SRD5A1: variants seen among roughly 807,000 people sequenced by gnomAD.
The protein encoded by SRD5A1 is 3-oxo-5-alpha-steroid 4-dehydrogenase 1.
SRD5A1 carries 22 observed loss-of-function variants against 28.2 expected under a neutral mutation model. The observed-to-expected ratio is 0.78, with a 90% CI of 0.56 to 1.12. The LOEUF is 1.12. Among genes scored for constraint, SRD5A1 ranks in the 50% most tolerant of loss-of-function variants. The pLI is 0.00. For synonymous variants in SRD5A1, 151 were observed against 135.0 expected, an observed-to-expected ratio of 1.12 and a Z score of -0.82; for missense variants, 300 against 346.7, an observed-to-expected ratio of 0.87 and a Z score of 1.07.
chr5:6,653,294 C>A (rs191546406), intron 2 of SRD5A1, among the ~76,000 whole-genome samples: 2 of 152,158 alleles, frequency 1.3e-5, no homozygotes, highest in Non-Finnish European at 2.9e-5. Context: ...GCTGAGAAGG[C>A]GTTTCAAGAT....
chr5:6,666,719 C>G (rs1032371250), intron 4 of SRD5A1, among the ~76,000 whole-genome samples: 2 of 152,122 alleles, frequency 1.3e-5, no homozygotes, highest in African/African-American at 4.8e-5. Context: ...AGCCAACATC[C>G]CTTCATTGTG....
chr5:6,660,012 A>G (rs897853119), intron 3 of SRD5A1, among the ~76,000 whole-genome samples: 2 of 152,064 alleles, frequency 1.3e-5, no homozygotes, highest in African/African-American at 2.4e-5. Context: ...GCTTCGCAGG[A>G]CTCTGTTAAT....
rs1738464923 is a variant in SRD5A1, at chr5:6,644,912, GAA to G, written c.294-6928_294-6927del. On this transcript the variant is annotated intron_variant, in intron 1 of 4. Coordinates refer to ENST00000274192, the MANE Select transcript of SRD5A1 (RefSeq NM_001047.4). ...GAATCATGATTCCAAGACGCAGAGA[GAA>G]ATTGCTGGGATTCGTTGTTCTTATT... The G allele has an allele frequency of 4.4e-6, 2 of 455,922 alleles. 1 individual carries two copies. The highest frequency in any genetic ancestry group is 4.7e-5 in the Admixed American group (2 of 42,550). The allele number at this position is 455,922 out of a possible 1,614,324, so 28.2% of individuals were successfully genotyped here.
chr5:6,655,104 A>G (rs1738794732), intron 2 of SRD5A1, among the ~76,000 whole-genome samples: 1 of 152,356 alleles, frequency 6.6e-6, no homozygotes, highest in East Asian at 1.9e-4. Flanking sequence ...AAGGTTTTCC[A>G]TGTCCTTTTT....
chr5:6,648,339 G>A (rs1738568747), intron 1 of SRD5A1, among the ~76,000 whole-genome samples: 1 of 152,112 alleles, frequency 6.6e-6, no homozygotes, highest in Admixed American at 6.5e-5. Context: ...TGCTAGGTTG[G>A]GGAAGTTCTC....
In SRD5A1 at chr5:6,668,289, T is replaced by G; in HGVS notation, c.*21T>G. ...TTTAAGTGCGTTTTTCATGAAATTA[T>G]CTTCAACTTGAAGCTTTCCAATGGC... On this transcript the variant is annotated 3_prime_UTR_variant, in exon 5 of 5. Transcript: ENST00000274192. 1 of 1,435,106 alleles carries G rather than the reference T, an allele frequency of 7.0e-7. No homozygotes were observed. Among genetic ancestry groups the G allele is most frequent in the Non-Finnish European group, 9.7e-7 (1 of 1,032,872 alleles). The allele number at this position is 1,435,106 out of a possible 1,614,324, so 88.9% of individuals were successfully genotyped here.
intron 2 of SRD5A1, among the ~76,000 whole-genome samples, chr5:6,653,782 C>T (rs1212046286): frequency 1.3e-5 from 2 of 152,180 alleles, no homozygotes; most frequent in South Asian, 2.1e-4. Context: ...AAAGTAGCTC[C>T]GCAGATGGTT....
chr5:6,651,748 A>G lies in SRD5A1; in HGVS notation c.294-94A>G, dbSNP rs1007218643. The G allele has an allele frequency of 3.4e-6, 4 of 1,171,342 alleles. No individual in the cohort carries two copies. The African/African-American group carries it at 4.6e-5, about 14-fold the overall frequency. The allele number at this position is 1,171,342 out of a possible 1,614,324, so 72.6% of individuals were successfully genotyped here. A position where few individuals can be genotyped will look rare whatever the true frequency, so the allele number is the denominator to read the frequency against. On this transcript the variant is annotated intron_variant, in intron 1 of 4. Transcript: ENST00000274192. The stretch of plus-strand genomic sequence containing the variant: ...ACTGAGGATGACATTTGTACAAGAA[A>G]GTAAGATTTAAAACCCAAATCATTT...
intron 1 of SRD5A1, among the ~76,000 whole-genome samples, chr5:6,638,268 G>T (rs72724264): frequency 1.0e-3 from 153 of 152,330 alleles, no homozygotes; most frequent in Non-Finnish European, 1.8e-3. Flanking sequence ...GAACCCAGAG[G>T]TGGAGGTGCA....
chr5:6,657,985 A>G (rs1196657503), intron 3 of SRD5A1, among the ~76,000 whole-genome samples: 1 of 152,258 alleles, frequency 6.6e-6, no homozygotes, highest in Non-Finnish European at 1.5e-5. Flanking sequence ...AACGTGTTTC[A>G]CAAAGCAGGG....
In SRD5A1 at chr5:6,662,845, A is replaced by G; in HGVS notation, c.592A>G (p.Asn198Asp). ...GGLFEYVTAA[N>D]YFGEIMEWCG... Reference sequence around the variant, plus strand: ...CTTATTTGAATACGTAACTGCAGCCAACTATTTTGGAGAAATCATGGAGTG... The same window carrying G: ...CTTATTTGAATACGTAACTGCAGCCGACTATTTTGGAGAAATCATGGAGTG... The change falls in exon 4 of 5, where the codon AAC becomes GAC. Residue 198 changes from asparagine (N) to aspartate (D), a missense_variant. Around this residue, in one of 2 missense-constraint regions of SRD5A1, gnomAD observed 126 missense variants for 185.7 expected, o/e 0.68. Coordinates refer to ENST00000274192, the MANE Select transcript of SRD5A1 (RefSeq NM_001047.4). 1.2e-6 allele frequency: 2 copies of G among 1,612,710 alleles called. No homozygotes were observed. Among genetic ancestry groups the G allele is most frequent in the Non-Finnish European group, 1.7e-6 (2 of 1,180,022 alleles).
intron 4 of SRD5A1, among the ~76,000 whole-genome samples, chr5:6,663,313 C>T (rs769044042): frequency 3.3e-5 from 5 of 152,190 alleles, no homozygotes; most frequent in Non-Finnish European, 7.3e-5. Flanking sequence ...GGCCAGCTTG[C>T]GAATGCTGCA....
chr5:6,659,274 T>C lies in SRD5A1; in HGVS notation c.562+3095T>C, dbSNP rs898857398. Among the ~76,000 whole-genome samples, 52 of 151,974 alleles carry C rather than the reference T, an allele frequency of 3.4e-4. No individual in the cohort carries two copies. The East Asian group carries it at 7.3e-3, about 21-fold the overall frequency. On this transcript the variant is annotated intron_variant, in intron 3 of 4. Transcript: ENST00000274192. ...GACTACAGGCGCCCGCCACCACGCC[T>C]GGCTAATTTTTTGTATTTTTACTAG...
rs529833117 is a variant in SRD5A1 at position 6,665,108 on chromosome 5, C to T, written c.713+2142C>T. 1.1e-4 allele frequency among the ~76,000 whole-genome samples: 17 copies of T among 152,322 alleles called. No individual in the cohort carries two copies. In the South Asian group the frequency reaches 1.9e-3, roughly 17 times the overall value. ...GATGAGAAGGGGAAACGTGGATAGA[C>T]GTACACCAGGTGATCACACAGAGTG... On this transcript the variant is annotated intron_variant, in intron 4 of 4. Transcript: ENST00000274192.
In SRD5A1 at chr5:6,651,203, G is replaced by A. The variant is rs571652485; in HGVS notation, c.294-639G>A. On this transcript the variant is annotated intron_variant, in intron 1 of 4. Coordinates refer to ENST00000274192, the MANE Select transcript of SRD5A1 (RefSeq NM_001047.4). Reference sequence around the variant, plus strand: ...GTTCCAAATCTTATTACTTAGACTAGGACTAGTTAATGGTTTTAGGATAGT... The same window carrying A: ...GTTCCAAATCTTATTACTTAGACTAAGACTAGTTAATGGTTTTAGGATAGT... Among the ~76,000 whole-genome samples, 6 of 152,246 alleles carry A rather than the reference G, an allele frequency of 3.9e-5. No homozygotes were observed. In the South Asian group the frequency reaches 1.0e-3, roughly 26 times the overall value.
At chr5:6,666,687 G>A (rs902411686) in intron 4 of SRD5A1, among the ~76,000 whole-genome samples, 2 of 152,158 alleles carry the variant, frequency 1.3e-5, no homozygotes, top group African/African-American at 2.4e-5. Flanking sequence ...AATGGTTTCT[G>A]TGAAATACAC....
intron 4 of SRD5A1, among the ~76,000 whole-genome samples, chr5:6,665,386 C>A (rs533102530): frequency 9.2e-5 from 14 of 152,232 alleles, no homozygotes; most frequent in Admixed American, 6.5e-4. Flanking sequence ...GATACGCCAG[C>A]CTTCCAGCCA....
At chr5:6,645,578 G>T (rs191807270) in intron 1 of SRD5A1, among the ~76,000 whole-genome samples, 2 of 151,812 alleles carry the variant, frequency 1.3e-5, no homozygotes, top group East Asian at 3.9e-4. Flanking sequence ...GGCGGAGGTT[G>T]CGGTGAGCCG....
chr5:6,652,200 G>T (rs1738699197), intron 2 of SRD5A1, among the ~76,000 whole-genome samples, 192 bp downstream of exon 2: 2 of 152,236 alleles, frequency 1.3e-5, no homozygotes, highest in East Asian at 1.9e-4. Context: ...TGACGCAGGT[G>T]CTGGGCACCT....
Sources: gnomAD v4.1 joint callset for allele counts (sites outside exome capture counted in the v4.1 genomes callset) on GRCh38, gnomAD v4.1.1 for gene constraint, gnomAD v4.1.1 regional missense constraint, MANE v1.5 for transcripts, NCBI Gene and HGNC (gene_info 2026-07-23, HGNC 2026-07-21) for gene names.